Variants in CNST observed in about 807,000 individuals in gnomAD.
CNST encodes the protein consortin, connexin sorting protein.
A neutral mutation model predicts 72.4 loss-of-function variants in CNST; 39 were observed. That is an observed-to-expected ratio of 0.54 (90% CI 0.42 to 0.70). CNST has a LOEUF of 0.70. Ranked by LOEUF, CNST falls within the 30% of genes least tolerant of loss-of-function variation. CNST has a pLI of 0.00. For synonymous variants in CNST, 332 were observed against 320.1 expected (o/e 1.04, Z -0.40); for missense variants, 871 against 868.5 (o/e 1.00, Z -0.04).
intron 1 of CNST, among the ~76,000 whole-genome samples, chr1:246,570,401 C>T (rs1659995262): frequency 6.6e-6 from 1 of 152,218 alleles, no homozygotes; most frequent in African/African-American, 2.4e-5. Flanking sequence ...ACTTTAGCTG[C>T]TGTGTGTTAT....
At chr1:246,635,255 T>C (rs1342921719) in intron 6 of CNST, among the ~76,000 whole-genome samples, 1 of 151,762 alleles carries the variant, frequency 6.6e-6, no homozygotes, top group Non-Finnish European at 1.5e-5. Flanking sequence ...CGGGTTGGTA[T>C]CCATCGTGTC....
Position 246,577,695 on chromosome 1 carries a change from C to T in CNST, c.-52+11032C>T, listed in dbSNP as rs541304253. 1.9e-4 allele frequency among the ~76,000 whole-genome samples: 29 copies of T among 152,116 alleles called. 2 individuals are homozygous for T. The highest frequency in any genetic ancestry group is 6.5e-4 in the African/African-American group (27 of 41,430). On this transcript the variant is annotated intron_variant, in intron 1 of 10. Transcript: ENST00000366513. ...ACCTAGTCAAGAATGTGAGGTGAAC[C>T]TTTCAAGTAAAATTGTAGTTGAAGA... is the stretch of plus-strand genomic sequence containing the variant.
At chr1:246,611,581 G>A (rs1482032006) in intron 2 of CNST, among the ~76,000 whole-genome samples, 1 of 152,172 alleles carries the variant, frequency 6.6e-6, no homozygotes, top group African/African-American at 2.4e-5. Flanking sequence ...TCTTTGGGAA[G>A]TAATATTATC....
intron 2 of CNST, among the ~76,000 whole-genome samples, chr1:246,600,385 T>C (rs1215242662): frequency 2.6e-5 from 4 of 152,228 alleles, no homozygotes; most frequent in Non-Finnish European, 5.9e-5. Flanking sequence ...AGAAGATTCC[T>C]CAGTCTGCAG....
intron 1 of CNST, among the ~76,000 whole-genome samples, chr1:246,582,404 A>G (rs897503785): frequency 2.8e-4 from 41 of 148,236 alleles, no homozygotes; most frequent in Admixed American, 2.8e-3. Context: ...CCTGGAGTGC[A>G]GTGGTGTGAT....
intron 10 of CNST, 28 bp downstream of exon 10, chr1:246,660,362 G>A (rs780945243): frequency 9.4e-6 from 15 of 1,599,866 alleles, no homozygotes; most frequent in Non-Finnish European, 1.2e-5. Flanking sequence ...GTGGCTAGCA[G>A]GATAGATGCT....
intron 10 of CNST, among the ~76,000 whole-genome samples, chr1:246,664,435 T>C (rs1032243043): frequency 2.0e-5 from 3 of 151,942 alleles, no homozygotes; most frequent in Non-Finnish European, 2.9e-5. Context: ...TTTTTTCTTT[T>C]TTTTTTTTTG....
At chr1:246,593,864 G>A (rs1240834629) in intron 2 of CNST, among the ~76,000 whole-genome samples, 2 of 152,170 alleles carry the variant, frequency 1.3e-5, no homozygotes, top group East Asian at 1.9e-4. Flanking sequence ...CCAGGCACAA[G>A]CGATTCTCCC....
At chr1:246,653,003 CAAA>C (rs201486368) in intron 9 of CNST, among the ~76,000 whole-genome samples, 10 of 101,540 alleles carry the variant, frequency 9.8e-5, no homozygotes, top group Admixed American at 2.1e-4. Flanking sequence ...GACTCTGTCT[CAAA>C]AAAAAAAAAA....
chr1:246,595,378 A>C (rs1661811240), intron 2 of CNST, among the ~76,000 whole-genome samples: 1 of 152,088 alleles, frequency 6.6e-6, no homozygotes, highest in Non-Finnish European at 1.5e-5. Context: ...TCTCCCTGTG[A>C]TCTCTCAAGT....
At chr1:246,605,655 T>G (rs1161154872) in intron 2 of CNST, among the ~76,000 whole-genome samples, 1 of 150,984 alleles carries the variant, frequency 6.6e-6, no homozygotes, top group African/African-American at 2.4e-5. Flanking sequence ...GGTGGGTGTC[T>G]TCCGGCCGGG....
At position 246,666,203 on chromosome 1, in the gene CNST, A is replaced by G; in HGVS notation, c.*298A>G. On this transcript the variant is annotated 3_prime_UTR_variant, in exon 11 of 11. Transcript: ENST00000366513. ...TACACTGAGCAGAATTAAACAGGGTAGTCTTAACCACACTATTTTTAGCTA... is the reference window on the plus strand; with the variant it reads ...TACACTGAGCAGAATTAAACAGGGTGGTCTTAACCACACTATTTTTAGCTA... 3.8e-6 allele frequency: 1 copy of G among 264,958 alleles called. No individual in the cohort carries two copies. The highest frequency in any genetic ancestry group is 7.2e-6 in the Non-Finnish European group (1 of 139,828). 16.4% of individuals were successfully genotyped at this position (264,958 alleles called of 1,614,324 possible).
At chr1:246,642,212 A>G (rs1345054457) in intron 8 of CNST, among the ~76,000 whole-genome samples, 175 bp downstream of exon 8, 2 of 123,320 alleles carry the variant, frequency 1.6e-5, no homozygotes, top group South Asian at 2.6e-4. Flanking sequence ...GAGACTTTTT[A>G]TATTGGGTAG....
At position 246,591,837 on chromosome 1, in the gene CNST, G is replaced by T. The variant is rs753829401; in HGVS notation, c.275G>T (p.Cys92Phe). Residue 92 changes from cysteine (C) to phenylalanine (F), a missense_variant, in exon 2 of 11, where the codon TGT (cysteine) becomes TTT (phenylalanine). Coordinates refer to ENST00000366513, the MANE Select transcript of CNST (RefSeq NM_152609.3). ...AAGENLQNTL[C>F]EASRDEQAFL... The stretch of plus-strand genomic sequence containing the variant: ...GGTGAGAACTTGCAAAACACCCTTT[G>T]TGAAGCCTCCAGAGATGAACAGGCC... 1.2e-6 allele frequency: 2 copies of T among 1,614,026 alleles called. No homozygotes were observed. Among genetic ancestry groups the T allele is most frequent in the Non-Finnish European group, 8.5e-7 (1 of 1,179,992 alleles).
chr1:246,661,893 C>T (rs537650481), intron 10 of CNST, among the ~76,000 whole-genome samples: 59 of 152,264 alleles, frequency 3.9e-4, no homozygotes, highest in African/African-American at 1.4e-3. Flanking sequence ...TACTTCTGCA[C>T]CTTGCTTGTA....
At chr1:246,598,138 C>T (rs1371617160) in intron 2 of CNST, among the ~76,000 whole-genome samples, 1 of 146,522 alleles carries the variant, frequency 6.8e-6, no homozygotes, top group Admixed American at 7.3e-5. Context: ...CATGCCGCTG[C>T]GCTCAGCTGA....
At chr1:246,658,498 A>G (rs1045346582) in intron 9 of CNST, among the ~76,000 whole-genome samples, 1 of 152,094 alleles carries the variant, frequency 6.6e-6, no homozygotes, top group Non-Finnish European at 1.5e-5. Context: ...AATGGTTTCT[A>G]TAGACCCACA....
rs774092652 is a variant in CNST, at chr1:246,660,345, T to C, written c.1972+11T>C. ...ATAGCTTGGATCAAGGTAAACCGCT[T>C]GGCACTGTGGCTAGCAGGATAGATG... On this transcript the variant is annotated intron_variant, in intron 10 of 10. Coordinates refer to ENST00000366513, the MANE Select transcript of CNST (RefSeq NM_152609.3). 3.7e-6 allele frequency: 6 copies of C among 1,609,610 alleles called. No individual in the cohort carries two copies. Among genetic ancestry groups the C allele is most frequent in the Non-Finnish European group, 5.1e-6 (6 of 1,178,676 alleles).
intron 1 of CNST, among the ~76,000 whole-genome samples, chr1:246,574,121 G>A (rs2103001980): frequency 6.6e-6 from 1 of 152,224 alleles, no homozygotes; most frequent in South Asian, 2.1e-4. Flanking sequence ...CTCACTGCAA[G>A]CTCCACTACT....
Sources: gnomAD v4.1 joint callset for allele counts (sites outside exome capture counted in the v4.1 genomes callset) on GRCh38, gnomAD v4.1.1 for gene constraint, MANE v1.5 for transcripts, NCBI Gene and HGNC (gene_info 2026-07-23, HGNC 2026-07-21) for gene names.